ANKRD10: variants seen among roughly 807,000 people sequenced by gnomAD.
The protein encoded by ANKRD10 is ankyrin repeat domain-containing protein 10.
ANKRD10 carries 14 observed loss-of-function variants against 27.0 expected under a neutral mutation model. The ratio of observed to expected loss-of-function variants is 0.52; its 90% CI spans 0.34 to 0.81. The LOEUF (loss-of-function observed/expected upper bound fraction) is 0.81. Ranked by LOEUF, ANKRD10 falls within the 40% of genes least tolerant of loss-of-function variation. ANKRD10 has a pLI of 0.01. For synonymous variants in ANKRD10, 250 were observed against 224.5 expected (o/e 1.11, Z -1.01); for missense variants, 493 against 544.0 (o/e 0.91, Z 0.93).
intron 4 of ANKRD10, among the ~76,000 whole-genome samples, chr13:110,889,803 T>C (rs2065028296): frequency 6.6e-6 from 1 of 152,214 alleles, no homozygotes; most frequent in Non-Finnish European, 1.5e-5. Context: ...CTTTTGTAAA[T>C]ATAAATTCCA....
chr13:110,901,497 G>C (rs1034862446), intron 3 of ANKRD10, among the ~76,000 whole-genome samples: 1 of 152,116 alleles, frequency 6.6e-6, no homozygotes, highest in Admixed American at 6.5e-5. Context: ...AGCAAACACT[G>C]GTTTTATTTG....
chr13:110,891,871 C>CTTT (rs10553815), intron 4 of ANKRD10, among the ~76,000 whole-genome samples: 3,038 of 121,140 alleles, frequency 0.025, 153 homozygotes, highest in African/African-American at 0.088. Context: ...CTTATTAAGA[C>CTTT]TTTTTTTTTT....
At chr13:110,910,811 C>A in intron 1 of ANKRD10, 41 bp from the exon 2 acceptor site, 3 of 1,582,686 alleles carry the variant, frequency 1.9e-6, no homozygotes, top group Non-Finnish European at 2.6e-6. Flanking sequence ...GCAGACATGT[C>A]AGTACACTAT....
In ANKRD10 at chr13:110,910,731, G is replaced by A. The variant is rs2138894644; in HGVS notation, c.250C>T (p.Leu84Phe). The A allele has an allele frequency of 6.2e-7, 1 of 1,614,184 alleles. No individual in the cohort carries two copies. Among genetic ancestry groups the A allele is most frequent in the Non-Finnish European group, 8.5e-7 (1 of 1,180,032 alleles). Residue 84 changes from leucine (L) to phenylalanine (F), a missense_variant, in exon 2 of 6, where the codon CTC becomes TTC. Transcript: ENST00000267339. ...LVQLVRAGAT[L>F]NVSTTRYAQT... is the part of the protein sequence containing the mutation. The stretch of plus-strand genomic sequence containing the variant: ...GCGTACCGTGTGGTGGAGACGTTGA[G>A]TGTGGCTCCCGCTCTCACCAACTGC...
chr13:110,906,614 T>G (rs2065545116), intron 2 of ANKRD10, among the ~76,000 whole-genome samples: 1 of 152,212 alleles, frequency 6.6e-6, no homozygotes, highest in African/African-American at 2.4e-5. Flanking sequence ...TTGAATCTTC[T>G]GCTTTGAACT....
chr13:110,890,635 T>C (rs144668716), intron 4 of ANKRD10, among the ~76,000 whole-genome samples: 8 of 152,274 alleles, frequency 5.3e-5, no homozygotes, highest in Non-Finnish European at 7.4e-5. Flanking sequence ...ACTGTGATAA[T>C]CACAGAAACA....
intron 2 of ANKRD10, among the ~76,000 whole-genome samples, chr13:110,906,554 C>T (rs2065542623): frequency 6.6e-6 from 1 of 152,172 alleles, no homozygotes; most frequent in Non-Finnish European, 1.5e-5. Flanking sequence ...ACCCACTTTC[C>T]TCTGTGCCTA....
chr13:110,909,690 CCTT>C (rs1226505155), intron 2 of ANKRD10, among the ~76,000 whole-genome samples: 7 of 152,286 alleles, frequency 4.6e-5, no homozygotes, highest in South Asian at 2.1e-4. Flanking sequence ...GCTAAAAACA[CCTT>C]CTTTCTCAAT....
intron 4 of ANKRD10, among the ~76,000 whole-genome samples, chr13:110,891,720 G>A (rs1321078054): frequency 6.6e-6 from 1 of 151,964 alleles, no homozygotes; most frequent in African/African-American, 2.4e-5. Context: ...TAACTTGCAC[G>A]GTTGATTTTT....
rs10553815 is a variant in ANKRD10 at position 110,891,871 on chromosome 13, C to CTTTTTT, written c.691+1151_691+1156dup. On this transcript the variant is annotated intron_variant, in intron 4 of 5. Transcript: ENST00000267339. ...TATCACATTTACCTTCTTATTAAGA[C>CTTTTTT]TTTTTTTTTTTTTTTTTTTTAAATA... is the stretch of plus-strand genomic sequence containing the variant. 6.8e-4 allele frequency among the ~76,000 whole-genome samples: 83 copies of CTTTTTT among 121,202 alleles called. No individual in the cohort carries two copies. In the East Asian group the frequency reaches 0.013, roughly 20 times the overall value. The allele number at this position is 121,202 out of a possible 152,430, so 79.5% of individuals were successfully genotyped here. A position where few individuals can be genotyped will look rare whatever the true frequency, so the allele number is the denominator to read the frequency against.
At chr13:110,910,093 T>C (rs2065653191) in intron 2 of ANKRD10, among the ~76,000 whole-genome samples, 1 of 152,192 alleles carries the variant, frequency 6.6e-6, no homozygotes, top group Non-Finnish European at 1.5e-5. Flanking sequence ...AAACACACCA[T>C]GAAGAAAAAT....
At chr13:110,897,611 T>C (rs1411904461) in intron 3 of ANKRD10, among the ~76,000 whole-genome samples, 6 of 152,328 alleles carry the variant, frequency 3.9e-5, no homozygotes, top group Admixed American at 2.6e-4. Flanking sequence ...CATTTGCTGA[T>C]AGACACAGGT....
intron 2 of ANKRD10, among the ~76,000 whole-genome samples, chr13:110,909,021 GAGGA>G (rs140608437): frequency 0.012 from 1,766 of 152,272 alleles, 25 homozygotes; most frequent in African/African-American, 0.04. Context: ...AGGCATCTGA[GAGGA>G]AGGTGGGAGA....
chr13:110,908,499 G>A (rs1371617445), intron 2 of ANKRD10, among the ~76,000 whole-genome samples: 1 of 152,194 alleles, frequency 6.6e-6, no homozygotes, highest in Non-Finnish European at 1.5e-5. Context: ...ACTGTTAGTA[G>A]CTAACATGCC....
intron 1 of ANKRD10, among the ~76,000 whole-genome samples, chr13:110,914,318 T>C (rs1429311489): frequency 1.3e-5 from 2 of 152,020 alleles, no homozygotes; most frequent in Non-Finnish European, 2.9e-5. Context: ...CGCGGCCTAA[T>C]ACCCGGCTCT....
chr13:110,891,334 A>G (rs1194039308), intron 4 of ANKRD10, among the ~76,000 whole-genome samples: 1 of 152,200 alleles, frequency 6.6e-6, no homozygotes, highest in Non-Finnish European at 1.5e-5. Flanking sequence ...ATATTAAAAC[A>G]TGGTACAAAT....
chr13:110,914,552 G>C, intron 1 of ANKRD10, 173 bp downstream of exon 1: 1 of 918,226 alleles, frequency 1.1e-6, no homozygotes, highest in Non-Finnish European at 1.4e-6. Context: ...CGCGACTCCG[G>C]GCCGCGAGCG....
chr13:110,882,521 A>G (rs1047368958), intron 5 of ANKRD10, among the ~76,000 whole-genome samples: 1 of 152,240 alleles, frequency 6.6e-6, no homozygotes, highest in African/African-American at 2.4e-5. Flanking sequence ...CAGCTTGGAT[A>G]AAGTTTAACA....
intron 3 of ANKRD10, chr13:110,903,923 T>C (rs1479081823): frequency 1.3e-5 from 2 of 152,222 alleles, no homozygotes; most frequent in Non-Finnish European, 2.9e-5. Context: ...CTTTACCATA[T>C]GAGCAGCGTT....
Sources: allele counts gnomAD v4.1 joint callset (sites outside exome capture counted in the v4.1 genomes callset), GRCh38; gene constraint gnomAD v4.1.1; transcripts MANE v1.5; gene names NCBI Gene and HGNC (gene_info 2026-07-23, HGNC 2026-07-21).